The following NTM variants were observed in gnomAD, a reference collection of about 807,000 sequenced individuals.
NTM encodes the protein neurotrimin, also known as IgLON family member 2.
NTM carries 13 observed loss-of-function variants against 42.1 expected under a neutral mutation model. The observed-to-expected ratio is 0.31, with a 90% CI of 0.20 to 0.49. The LOEUF (loss-of-function observed/expected upper bound fraction) is 0.49, where lower values mean the gene tolerates loss of function less well. NTM is among the 20% of genes least tolerant of loss of function. NTM has a pLI of 0.99. For synonymous variants in NTM, 187 were observed against 179.2 expected (o/e 1.04, Z -0.35); for missense variants, 373 against 452.8 (o/e 0.82, Z 1.60).
chr11:131,887,055 G>A (rs2050522577), intron 1 of NTM, among the ~76,000 whole-genome samples: 2 of 152,180 alleles, frequency 1.3e-5, no homozygotes, highest in Admixed American at 6.5e-5. Flanking sequence ...ATAAGTTCTG[G>A]AGAAGTAACG....
At chr11:132,326,653 G>C (rs968061752) in intron 7 of NTM, among the ~76,000 whole-genome samples, 1 of 152,214 alleles carries the variant, frequency 6.6e-6, no homozygotes, top group African/African-American at 2.4e-5. Flanking sequence ...GGTCAGCGAA[G>C]AAGACTGTGG....
At chr11:131,885,685 C>G (rs540419186) in intron 1 of NTM, among the ~76,000 whole-genome samples, 2 of 152,276 alleles carry the variant, frequency 1.3e-5, no homozygotes, top group Admixed American at 1.3e-4. Context: ...GCATTATCAG[C>G]CACCACAACA....
At chr11:132,081,990 C>A (rs2059130268) in intron 2 of NTM, among the ~76,000 whole-genome samples, 1 of 146,802 alleles carries the variant, frequency 6.8e-6, no homozygotes. Context: ...CAATTGCTGG[C>A]ACAGAGAATA....
intron 1 of NTM, among the ~76,000 whole-genome samples, chr11:131,438,427 G>A (rs1171079288): frequency 2.0e-5 from 3 of 152,308 alleles, no homozygotes; most frequent in African/African-American, 4.8e-5. Context: ...CCAGTCAGAC[G>A]TAGATTTGGT....
chr11:131,696,849 G>C (rs1388304190), intron 1 of NTM, among the ~76,000 whole-genome samples: 1 of 151,926 alleles, frequency 6.6e-6, no homozygotes, highest in Non-Finnish European at 1.5e-5. Flanking sequence ...TCTATGCTAA[G>C]TCAGAGTTAA....
At chr11:132,019,144 C>A (rs1025501645) in intron 2 of NTM, among the ~76,000 whole-genome samples, 4 of 151,544 alleles carry the variant, frequency 2.6e-5, no homozygotes, top group East Asian at 3.9e-4. Context: ...TATTGACTTT[C>A]CCTAATTTTT....
intron 4 of NTM, among the ~76,000 whole-genome samples, chr11:132,254,790 T>G (rs1249176753): frequency 2.6e-5 from 4 of 152,162 alleles, no homozygotes; most frequent in Non-Finnish European, 5.9e-5. Context: ...AGAATCCTGT[T>G]GCCCCTGCTG....
intron 1 of NTM, among the ~76,000 whole-genome samples, chr11:131,491,253 C>A (rs1345486054): frequency 6.6e-6 from 1 of 152,132 alleles, no homozygotes; most frequent in African/African-American, 2.4e-5. Context: ...ACCGAATTAT[C>A]TTTCTATTCT....
At chr11:131,791,098 AAAC>A (rs558137294) in intron 1 of NTM, among the ~76,000 whole-genome samples, 62 of 152,318 alleles carry the variant, frequency 4.1e-4, no homozygotes, top group East Asian at 4.1e-3. Context: ...AGTTGGCAAA[AAAC>A]AACAACAAAA....
At chr11:131,949,789 A>C (rs964398002) in intron 2 of NTM, among the ~76,000 whole-genome samples, 2 of 152,164 alleles carry the variant, frequency 1.3e-5, no homozygotes, top group Non-Finnish European at 2.9e-5. Flanking sequence ...CCTTTTCAGA[A>C]GTCCTGGGAG....
At chr11:131,924,664 G>A (rs1190320136) in intron 2 of NTM, among the ~76,000 whole-genome samples, 2 of 151,718 alleles carry the variant, frequency 1.3e-5, no homozygotes, top group Non-Finnish European at 2.9e-5. Context: ...TGTTTGGCGA[G>A]CTCCATCGGC....
At chr11:132,161,393 T>C (rs1192263827) in intron 3 of NTM, among the ~76,000 whole-genome samples, 7 of 102,910 alleles carry the variant, frequency 6.8e-5, no homozygotes, top group African/African-American at 2.1e-4. Context: ...TTTTTTTTTT[T>C]TTCCCCACAA....
At chr11:132,244,756 T>G (rs1397184981) in intron 4 of NTM, among the ~76,000 whole-genome samples, 1 of 152,192 alleles carries the variant, frequency 6.6e-6, no homozygotes, top group African/African-American at 2.4e-5. Flanking sequence ...GCCTGTGACC[T>G]CTGGGTGTTC....
chr11:131,635,968 T>G, intron 1 of NTM, among the ~76,000 whole-genome samples: 1 of 152,184 alleles, frequency 6.6e-6, no homozygotes, highest in East Asian at 1.9e-4. Flanking sequence ...GCTGCACAGG[T>G]CTGTGGCTTA....
chr11:131,608,318 T>A (rs1379128901), intron 1 of NTM, among the ~76,000 whole-genome samples: 1 of 152,204 alleles, frequency 6.6e-6, no homozygotes, highest in African/African-American at 2.4e-5. Flanking sequence ...TGGGTTACAT[T>A]TTTGAATGAG....
At chr11:132,246,279 G>A (rs955736668) in intron 4 of NTM, among the ~76,000 whole-genome samples, 5 of 152,202 alleles carry the variant, frequency 3.3e-5, no homozygotes, top group African/African-American at 1.2e-4. Context: ...ATGCCTGTGC[G>A]CGTGCGTGTG....
intron 1 of NTM, among the ~76,000 whole-genome samples, chr11:131,504,669 C>T (rs536614408): frequency 6.6e-6 from 1 of 152,090 alleles, no homozygotes; most frequent in Non-Finnish European, 1.5e-5. Flanking sequence ...CCTTTCCAAA[C>T]TCTTCCTGGC....
At chr11:132,128,249 T>A (rs1160578329) in intron 2 of NTM, among the ~76,000 whole-genome samples, 1 of 148,614 alleles carries the variant, frequency 6.7e-6, no homozygotes, top group Non-Finnish European at 1.5e-5. Flanking sequence ...TTTTTTTTTT[T>A]ACATTGATAA....
intron 1 of NTM, among the ~76,000 whole-genome samples, chr11:131,668,252 C>CTATA (rs1198655397): frequency 7.1e-6 from 1 of 141,298 alleles, no homozygotes; most frequent in Non-Finnish European, 1.5e-5. Context: ...ATATCTACCT[C>CTATA]TATCTATCTA....
Sources: allele counts gnomAD v4.1 joint callset (sites outside exome capture counted in the v4.1 genomes callset), GRCh38; gene constraint gnomAD v4.1.1; transcripts MANE v1.5; gene names NCBI Gene and HGNC (gene_info 2026-07-23, HGNC 2026-07-21).